The following FRAS1 variants were observed in gnomAD, a reference collection of about 807,000 sequenced individuals.
The protein encoded by FRAS1 is extracellular matrix organizing protein FRAS1.
Under a neutral mutation model 435.2 loss-of-function variants are expected in FRAS1, and 290 were observed. The observed-to-expected ratio is 0.67, with a 90% CI of 0.61 to 0.73. The LOEUF (loss-of-function observed/expected upper bound fraction) is 0.73, where lower values mean the gene tolerates loss of function less well. FRAS1 is among the 30% of genes least tolerant of loss of function. The pLI is 0.00. For missense variants in FRAS1, 4,860 were observed against 5,001.5 expected (o/e 0.97, Z 0.85); for synonymous variants, 1,800 against 1,851.0 (o/e 0.97, Z 0.71).
chr4:78,339,222 G>C (rs561530454), intron 20 of FRAS1, among the ~76,000 whole-genome samples: 3 of 152,200 alleles, frequency 2.0e-5, no homozygotes, highest in Admixed American at 1.3e-4. Context: ...GCATGTTTGA[G>C]TTTAGCTACT....
intron 59 of FRAS1, 56 bp from the exon 60 acceptor site, chr4:78,496,749 G>A (rs1720518412): frequency 2.0e-6 from 3 of 1,503,518 alleles, no homozygotes; most frequent in Admixed American, 2.1e-5. Flanking sequence ...GGAAAACCAA[G>A]CAAATCACTG....
chr4:78,239,857 G>T (rs953038436), intron 3 of FRAS1, among the ~76,000 whole-genome samples: 1 of 152,044 alleles, frequency 6.6e-6, no homozygotes, highest in Non-Finnish European at 1.5e-5. Flanking sequence ...TTCAAGTCTT[G>T]CCTGGATGCC....
At chr4:78,112,921 C>A (rs941263880) in intron 2 of FRAS1, among the ~76,000 whole-genome samples, 1 of 152,084 alleles carries the variant, frequency 6.6e-6, no homozygotes, top group African/African-American at 2.4e-5. Flanking sequence ...TGGTGTGCTG[C>A]ACCCATTAAC....
chr4:78,134,980 C>A (rs1487314295), intron 2 of FRAS1, among the ~76,000 whole-genome samples: 2 of 151,948 alleles, frequency 1.3e-5, no homozygotes, highest in African/African-American at 4.8e-5. Context: ...TTTTTAAAAT[C>A]CGAATCCTGA....
chr4:78,541,316 TAC>T lies in FRAS1; in HGVS notation c.*194_*195del, dbSNP rs1402441767. 9.9e-6 allele frequency: 4 copies of T among 406,066 alleles called. No individual in the cohort carries two copies. Among genetic ancestry groups the T allele is most frequent in the Non-Finnish European group, 1.7e-5 (4 of 230,398 alleles). The allele number at this position is 406,066 out of a possible 1,614,324, so 25.2% of individuals were successfully genotyped here. ...AGAACCACTGAGAACCCCAGAGTATTACAGTTATTTCCGTAGATCCCTTTAAT... is the reference window on the plus strand; with the variant it reads ...AGAACCACTGAGAACCCCAGAGTATTAGTTATTTCCGTAGATCCCTTTAAT... On this transcript the variant is annotated 3_prime_UTR_variant, in exon 74 of 74. Coordinates refer to ENST00000512123, the MANE Select transcript of FRAS1 (RefSeq NM_025074.7).
At chr4:78,526,230 A>G (rs1721529398) in intron 69 of FRAS1, among the ~76,000 whole-genome samples, 1 of 152,214 alleles carries the variant, frequency 6.6e-6, no homozygotes, top group African/African-American at 2.4e-5. Flanking sequence ...GAAATGGCCA[A>G]TTCTGTTCTG....
In FRAS1 at chr4:78,450,177, C is replaced by T. The variant is rs183398121; in HGVS notation, c.6301C>T (p.His2101Tyr). 921 of 1,613,742 alleles carry T rather than the reference C, an allele frequency of 5.7e-4. 2 individuals are homozygous for T. The African/African-American group carries it at 9.9e-3, about 17-fold the overall frequency. Residue 2101 changes from histidine to tyrosine, a missense_variant, in exon 45 of 74, where the codon CAC (histidine) becomes TAC (tyrosine). Physicochemically the swap from His to Tyr is moderately conservative, Grantham distance 83. Coordinates refer to ENST00000512123, the MANE Select transcript of FRAS1 (RefSeq NM_025074.7). ...AGSVARITEQ[H>Y]LKVTDIDSDD... The stretch of plus-strand genomic sequence containing the variant: ...GTCTGTAGCACGCATCACAGAACAG[C>T]ACTTGAAAGTGACAGATATTGACTC...
rs182587878 is a variant in FRAS1, at chr4:78,283,937, G to A, written c.1256-468G>A. Among the ~76,000 whole-genome samples, 4 of 152,028 alleles carry A rather than the reference G, an allele frequency of 2.6e-5. No individual in the cohort carries two copies. In the South Asian group the frequency reaches 6.2e-4, roughly 24 times the overall value. On this transcript the variant is annotated intron_variant, in intron 12 of 73. Transcript: ENST00000512123. ...TACTGAAAATGAGATTTGAAATTTTGGAGAAAAAGAAGAAAATGGGGTGCA... is the reference window on the plus strand; with the variant it reads ...TACTGAAAATGAGATTTGAAATTTTAGAGAAAAAGAAGAAAATGGGGTGCA...
chr4:78,324,006 T>C (rs1444070148), intron 18 of FRAS1, among the ~76,000 whole-genome samples: 1 of 152,194 alleles, frequency 6.6e-6, no homozygotes, highest in African/African-American at 2.4e-5. Context: ...TAGGTGAGGC[T>C]GATGCTGCTG....
chr4:78,511,653 G>T (rs1721045910), intron 64 of FRAS1, 147 bp downstream of exon 64: 1 of 731,074 alleles, frequency 1.4e-6, no homozygotes, highest in African/African-American at 1.7e-5. Flanking sequence ...AATCTGTGAA[G>T]GTCCCTCAAG....
chr4:78,274,100 A>G (rs952343524), intron 9 of FRAS1, among the ~76,000 whole-genome samples: 6 of 152,120 alleles, frequency 3.9e-5, no homozygotes, highest in South Asian at 2.1e-4. Flanking sequence ...GTTTATTTGC[A>G]TAGAGGTGTT....
intron 65 of FRAS1, among the ~76,000 whole-genome samples, chr4:78,514,150 GGA>G (rs1410551249): frequency 1.3e-5 from 2 of 152,222 alleles, no homozygotes; most frequent in Non-Finnish European, 2.9e-5. Flanking sequence ...AGGGAGCTCT[GGA>G]GAGACTTGTC....
chr4:78,266,307 C>T (rs997286899), intron 7 of FRAS1, among the ~76,000 whole-genome samples: 3 of 152,214 alleles, frequency 2.0e-5, no homozygotes, highest in Admixed American at 6.5e-5. Flanking sequence ...CTCATCCTCA[C>T]ACAGCTATTA....
At chr4:78,257,486 A>G (rs1725847866) in intron 6 of FRAS1, among the ~76,000 whole-genome samples, 1 of 152,192 alleles carries the variant, frequency 6.6e-6, no homozygotes, top group South Asian at 2.1e-4. Context: ...TCAGGTCTTG[A>G]ATTCTGGAAA....
rs192541891 is a variant in FRAS1 at position 78,256,693 on chromosome 4, C to T, written c.603+1318C>T. ...TTCACTTACAGTTTGTATTGATATACATAATTAATGTAAAAAGATGAAATT... is the reference window on the plus strand; with the variant it reads ...TTCACTTACAGTTTGTATTGATATATATAATTAATGTAAAAAGATGAAATT... On this transcript the variant is annotated intron_variant, in intron 6 of 73. Coordinates refer to ENST00000512123, the MANE Select transcript of FRAS1 (RefSeq NM_025074.7). Among the ~76,000 whole-genome samples the T allele has an allele frequency of 7.3e-4, 111 of 152,186 alleles. 4 individuals carry two copies. In the South Asian group the frequency reaches 0.019, roughly 26 times the overall value.
rs72869919 is a variant in FRAS1 at position 78,430,219 on chromosome 4, C to T, written c.4844-73C>T. 4.0e-3 allele frequency: 6,393 copies of T among 1,584,964 alleles called. 229 individuals carry two copies. The African/African-American group carries it at 0.072, about 18-fold the overall frequency. On this transcript the variant is annotated intron_variant, in intron 36 of 73. Coordinates refer to ENST00000512123, the MANE Select transcript of FRAS1 (RefSeq NM_025074.7). ...ACAGCATGACTCCTAGCCTGGCCTG[C>T]GGTTTTAATATATAGTCTATCGTCT...
chr4:78,209,396 G>A (rs1429875377), intron 2 of FRAS1, among the ~76,000 whole-genome samples: 1 of 152,112 alleles, frequency 6.6e-6, no homozygotes, highest in African/African-American at 2.4e-5. Context: ...GAGACTAGGG[G>A]GTGGCAGGAG....
chr4:78,273,426 T>C (rs905621364), intron 9 of FRAS1, among the ~76,000 whole-genome samples: 6 of 152,232 alleles, frequency 3.9e-5, no homozygotes, highest in African/African-American at 1.4e-4. Context: ...TTTTTGCCCA[T>C]TCAGTATGAT....
intron 2 of FRAS1, among the ~76,000 whole-genome samples, chr4:78,154,876 ATTGATT>A (rs1333927340): frequency 6.6e-6 from 1 of 152,196 alleles, no homozygotes; most frequent in Non-Finnish European, 1.5e-5. Context: ...GCAGCAGATA[ATTGATT>A]TTGTCTCTGG....
Sources: gnomAD v4.1 joint callset for allele counts (sites outside exome capture counted in the v4.1 genomes callset) on GRCh38, gnomAD v4.1.1 for gene constraint, MANE v1.5 for transcripts, NCBI Gene and HGNC (gene_info 2026-07-23, HGNC 2026-07-21) for gene names.